ZNF804A: variants seen among roughly 807,000 people sequenced by gnomAD.
The protein encoded by ZNF804A is zinc finger protein 804A.
ZNF804A carries 2 observed loss-of-function variants against 16.5 expected under a neutral mutation model. The ratio of observed to expected loss-of-function variants is 0.12; its 90% confidence interval spans 0.05 to 0.38. The LOEUF (loss-of-function observed/expected upper bound fraction) is 0.38, where lower values mean the gene tolerates loss of function less well. Among genes scored for constraint, ZNF804A ranks in the 10% least tolerant of loss-of-function variants. The pLI is 0.99. For synonymous variants in ZNF804A, 534 were observed against 489.6 expected, an observed-to-expected ratio of 1.09 and a Z score of -1.20; for missense variants, 1,473 against 1,390.7, an observed-to-expected ratio of 1.06 and a Z score of -0.94.
intron 2 of ZNF804A, among the ~76,000 whole-genome samples, chr2:184,922,422 T>C (rs1685542676): frequency 6.6e-6 from 1 of 152,108 alleles, no homozygotes; most frequent in African/African-American, 2.4e-5. Flanking sequence ...ATTTAGATAT[T>C]TTGCCTATTT....
intron 1 of ZNF804A, among the ~76,000 whole-genome samples, chr2:184,674,276 T>C (rs1436099578): frequency 6.6e-6 from 1 of 152,018 alleles, no homozygotes; most frequent in Admixed American, 6.6e-5. Flanking sequence ...ATTGGTTGGC[T>C]TCAGACTCAT....
chr2:184,890,551 C>T (rs1684965225), intron 2 of ZNF804A, among the ~76,000 whole-genome samples: 1 of 152,062 alleles, frequency 6.6e-6, no homozygotes, highest in African/African-American at 2.4e-5. Context: ...CTTTAGACCT[C>T]ATTAACCCTG....
chr2:184,648,435 G>A (rs1691919253), intron 1 of ZNF804A, among the ~76,000 whole-genome samples: 1 of 152,062 alleles, frequency 6.6e-6, no homozygotes, highest in African/African-American at 2.4e-5. Context: ...AGTAAACAGT[G>A]TGAACTTCCC....
chr2:184,897,181 T>TA (rs1268931865), intron 2 of ZNF804A, among the ~76,000 whole-genome samples: 1 of 152,068 alleles, frequency 6.6e-6, no homozygotes, highest in Admixed American at 6.6e-5. Flanking sequence ...GGGCTATGTT[T>TA]TGGGGGGAAG....
chr2:184,726,406 TAA>T (rs1444682345), intron 1 of ZNF804A, among the ~76,000 whole-genome samples: 1 of 151,580 alleles, frequency 6.6e-6, no homozygotes, highest in Non-Finnish European at 1.5e-5. Context: ...TCTGAATAGG[TAA>T]AAATACCTTT....
chr2:184,606,132 C>A (rs1389582518), intron 1 of ZNF804A, among the ~76,000 whole-genome samples: 1 of 152,138 alleles, frequency 6.6e-6, no homozygotes, highest in South Asian at 2.1e-4. Flanking sequence ...AACATGATGG[C>A]TAGTTTTATG....
Position 184,936,983 on chromosome 2 carries a change from T to G in ZNF804A, c.1587T>G (p.Asp529Glu). 6.2e-7 allele frequency: 1 copy of G among 1,613,910 alleles called. No individual in the cohort carries two copies. Among genetic ancestry groups the G allele is most frequent in the Non-Finnish European group, 8.5e-7 (1 of 1,179,936 alleles). The change falls in exon 4 of 4, where the codon GAT (aspartate) becomes GAG (glutamate). Residue 529 changes from aspartate to glutamate, a missense_variant. Coordinates refer to ENST00000302277, the MANE Select transcript of ZNF804A (RefSeq NM_194250.2). ...GCCAAGTCACTCCTCTTTTGGCTGA[T>G]GATATTCTCTCCAGTAGTTGTGATT... ...KCSQVTPLLA[D>E]DILSSSCDSG...
intron 1 of ZNF804A, among the ~76,000 whole-genome samples, chr2:184,763,304 G>C (rs1344319536): frequency 1.3e-5 from 2 of 152,026 alleles, no homozygotes; most frequent in Non-Finnish European, 2.9e-5. Flanking sequence ...TTATAACAAG[G>C]AAAATCTGGA....
intron 1 of ZNF804A, among the ~76,000 whole-genome samples, chr2:184,654,831 C>T (rs769098079): frequency 3.3e-5 from 5 of 152,202 alleles, no homozygotes; most frequent in African/African-American, 1.2e-4. Flanking sequence ...GAACCCCAAA[C>T]ACCCAACCTG....
intron 1 of ZNF804A, among the ~76,000 whole-genome samples, chr2:184,844,346 C>T (rs1695482057): frequency 6.6e-6 from 1 of 152,084 alleles, no homozygotes; most frequent in African/African-American, 2.4e-5. Flanking sequence ...TTCTACAACA[C>T]TTCTTACATC....
chr2:184,821,601 G>T (rs1373940081), intron 1 of ZNF804A, among the ~76,000 whole-genome samples: 1 of 152,092 alleles, frequency 6.6e-6, no homozygotes, highest in Non-Finnish European at 1.5e-5. Context: ...CACAGCAAAG[G>T]AAACTGTCAT....
At chr2:184,685,377 T>A (rs6718759) in intron 1 of ZNF804A, among the ~76,000 whole-genome samples, 47,257 of 151,708 alleles carry the variant, frequency 0.31, 9,676 homozygotes, top group African/African-American at 0.58. Context: ...CCGCAGCTCT[T>A]CTCTCCTTCT....
At chr2:184,736,853 T>G (rs1428166046) in intron 1 of ZNF804A, among the ~76,000 whole-genome samples, 3 of 136,368 alleles carry the variant, frequency 2.2e-5, no homozygotes, top group Non-Finnish European at 3.5e-5. Flanking sequence ...GAACTCGTAT[T>G]TCTTCTTTTT....
chr2:184,666,813 G>T (rs1692262670), intron 1 of ZNF804A, among the ~76,000 whole-genome samples: 1 of 151,954 alleles, frequency 6.6e-6, no homozygotes, highest in South Asian at 2.1e-4. Context: ...ATCAATATCA[G>T]AATTCACTAC....
At chr2:184,605,817 G>A (rs1691136739) in intron 1 of ZNF804A, among the ~76,000 whole-genome samples, 1 of 152,078 alleles carries the variant, frequency 6.6e-6, no homozygotes, top group African/African-American at 2.4e-5. Context: ...TTATGATAGT[G>A]TCTTCAAGTA....
chr2:184,771,234 T>C (rs1413744285), intron 1 of ZNF804A, among the ~76,000 whole-genome samples: 3 of 152,100 alleles, frequency 2.0e-5, no homozygotes, highest in Non-Finnish European at 4.4e-5. Context: ...AATTAAAATA[T>C]TGGTCATTTT....
chr2:184,781,389 TA>T (rs1694369434), intron 1 of ZNF804A, among the ~76,000 whole-genome samples: 1 of 151,766 alleles, frequency 6.6e-6, no homozygotes, highest in African/African-American at 2.4e-5. Flanking sequence ...AAATTACATT[TA>T]ACATGTATTT....
chr2:184,599,887 A>G (rs2105663084), intron 1 of ZNF804A, among the ~76,000 whole-genome samples: 1 of 152,310 alleles, frequency 6.6e-6, no homozygotes, highest in African/African-American at 2.4e-5. Flanking sequence ...CCCTTTAGCT[A>G]TAAAACCTCC....
At chr2:184,874,145 T>A (rs140117268) in intron 2 of ZNF804A, among the ~76,000 whole-genome samples, 4 of 152,160 alleles carry the variant, frequency 2.6e-5, no homozygotes, top group Admixed American at 2.6e-4. Flanking sequence ...TAAAGCAAAA[T>A]GTAATGTTTT....
Sources: allele counts gnomAD v4.1 joint callset (sites outside exome capture counted in the v4.1 genomes callset), GRCh38; gene constraint gnomAD v4.1.1; transcripts MANE v1.5; gene names NCBI Gene and HGNC (gene_info 2026-07-23, HGNC 2026-07-21).